UBXN8: variants seen among roughly 807,000 people sequenced by gnomAD.
The protein encoded by UBXN8 is UBX domain-containing protein 8.
UBXN8 carries 27 observed loss-of-function variants against 32.1 expected under a neutral mutation model. The ratio of observed to expected loss-of-function variants is 0.84; its 90% confidence interval spans 0.62 to 1.16. The LOEUF (loss-of-function observed/expected upper bound fraction) is 1.16. Among genes scored for constraint, UBXN8 ranks in the 50% most tolerant of loss-of-function variants. The probability of loss-of-function intolerance (pLI) is 0.00; values close to 1 mark genes in which losing one functional copy is unlikely to be tolerated. For synonymous variants in UBXN8, 109 were observed against 111.8 expected (o/e 0.98, Z 0.16); for missense variants, 306 against 311.4 (o/e 0.98, Z 0.13).
At chr8:30,750,588 T>C (rs1478611731) in intron 1 of UBXN8, among the ~76,000 whole-genome samples, 1 of 151,742 alleles carries the variant, frequency 6.6e-6, no homozygotes, top group Non-Finnish European at 1.5e-5. Context: ...CTGGCTAACA[T>C]GGTGAAACCC....
upstream of UBXN8, among the ~76,000 whole-genome samples, chr8:30,741,369 G>A (rs907700221): frequency 2.6e-5 from 4 of 151,886 alleles, no homozygotes; most frequent in Admixed American, 1.3e-4. Context: ...CTGTGTGACA[G>A]AGTGAGACCC....
At chr8:30,755,208 C>G (rs1023510660) in intron 4 of UBXN8, among the ~76,000 whole-genome samples, 5 of 151,996 alleles carry the variant, frequency 3.3e-5, no homozygotes, top group African/African-American at 1.2e-4. Flanking sequence ...GCCCGCCTCA[C>G]CCTCCCAAAG....
chr8:30,756,939 T>C (rs1319754090), intron 5 of UBXN8, 52 bp downstream of exon 5: 6 of 1,606,836 alleles, frequency 3.7e-6, no homozygotes, highest in African/African-American at 1.3e-5. Context: ...AGTAGGAGTA[T>C]TGAACTCTGG....
chr8:30,737,667 AAC>A (rs1196678295), intron 1 of UBXN8, among the ~76,000 whole-genome samples: 1 of 152,146 alleles, frequency 6.6e-6, no homozygotes, highest in African/African-American at 2.4e-5. Context: ...CAGCCTAAGC[AAC>A]AGAGCGAGAC....
At chr8:30,729,209 C>G (rs1020711039), upstream of UBXN8, among the ~76,000 whole-genome samples, 1 of 152,242 alleles carries the variant, frequency 6.6e-6, no homozygotes, top group Non-Finnish European at 1.5e-5. Context: ...GCGGATCCTG[C>G]GAGCGCTCCT....
upstream of UBXN8, among the ~76,000 whole-genome samples, chr8:30,740,408 G>A: frequency 9.5e-4 from 1 of 1,058 alleles, no homozygotes; most frequent in African/African-American, 4.9e-3. Context: ...AGGCAATTAA[G>A]GAGCAGAAAA....
At chr8:30,761,036 A>C (rs1805819091) in intron 6 of UBXN8, 107 bp downstream of exon 6, 4 of 739,072 alleles carry the variant, frequency 5.4e-6, no homozygotes, top group African/African-American at 1.8e-5. Context: ...AAGTGATAGC[A>C]TAAGTGTTCA....
chr8:30,737,116 G>A (rs934355545), intron 1 of UBXN8, among the ~76,000 whole-genome samples: 1 of 152,132 alleles, frequency 6.6e-6, no homozygotes, highest in Non-Finnish European at 1.5e-5. Context: ...CACCAGTCTA[G>A]CATAACCATT....
intron 1 of UBXN8, among the ~76,000 whole-genome samples, chr8:30,745,229 C>T (rs932440831): frequency 3.3e-5 from 5 of 152,022 alleles, no homozygotes; most frequent in Admixed American, 2.6e-4. Context: ...GGGATATTGA[C>T]GGAGTAGGAT....
chr8:30,765,419 A>G (rs1805972811), intron 7 of UBXN8, among the ~76,000 whole-genome samples: 4 of 151,998 alleles, frequency 2.6e-5, no homozygotes, highest in Middle Eastern at 3.4e-3. Context: ...GATTACAGGC[A>G]TGCACCACCA....
intron 5 of UBXN8, among the ~76,000 whole-genome samples, chr8:30,758,445 A>G (rs367703945): frequency 7.9e-5 from 12 of 152,172 alleles, no homozygotes; most frequent in Non-Finnish European, 1.3e-4. Flanking sequence ...TCAATCCTTA[A>G]CTAAGTTAAT....
intron 1 of UBXN8, among the ~76,000 whole-genome samples, chr8:30,750,028 C>T (rs1247826260): frequency 3.9e-5 from 6 of 152,050 alleles, no homozygotes; most frequent in African/African-American, 1.4e-4. Flanking sequence ...AACTGTATTC[C>T]CAAGATAGTG....
intron 4 of UBXN8, among the ~76,000 whole-genome samples, chr8:30,755,923 T>C (rs542764607): frequency 9.9e-5 from 15 of 152,066 alleles, no homozygotes; most frequent in African/African-American, 2.9e-4. Context: ...TTATTATATA[T>C]TATATATTCT....
intron 1 of UBXN8, among the ~76,000 whole-genome samples, chr8:30,735,940 G>A (rs746598259): frequency 1.3e-5 from 2 of 152,246 alleles, no homozygotes; most frequent in Non-Finnish European, 2.9e-5. Flanking sequence ...TCACCCGAAA[G>A]GTGGTGATGG....
Position 30,763,294 on chromosome 8 carries a change from T to C in UBXN8, c.592T>C (p.Cys198Arg), listed in dbSNP as rs1056206135. The change falls in exon 7 of 8, where the codon TGT (cysteine) becomes CGT (arginine). Residue 198 changes from cysteine to arginine, a missense_variant. Physicochemically the swap from Cys to Arg is radical, Grantham distance 180. Coordinates refer to ENST00000265616, the MANE Select transcript of UBXN8 (RefSeq NM_005671.4). The stretch of plus-strand genomic sequence containing the variant: ...TTAGGTAGTTACTGTTGCTCTCCGA[T>C]GTCCCAGTGGGAATGTCCTGAGGAG... ...AEEVVTVALR[C>R]PSGNVLRRRF... The C allele has an allele frequency of 6.2e-7, 1 of 1,613,888 alleles. No homozygotes were observed. Among genetic ancestry groups the C allele is most frequent in the South Asian group, 1.1e-5 (1 of 91,080 alleles).
intron 5 of UBXN8, among the ~76,000 whole-genome samples, chr8:30,760,074 T>TA (rs941668290): frequency 1.3e-5 from 2 of 149,198 alleles, no homozygotes; most frequent in Non-Finnish European, 3.0e-5. Flanking sequence ...CTTTTTTTTT[T>TA]TTTTTAAGAT....
At chr8:30,749,546 G>T (rs927283365) in intron 1 of UBXN8, among the ~76,000 whole-genome samples, 4 of 151,478 alleles carry the variant, frequency 2.6e-5, no homozygotes, top group African/African-American at 9.7e-5. Context: ...TGAGAAATAA[G>T]AATTTGGTGT....
intron 5 of UBXN8, among the ~76,000 whole-genome samples, chr8:30,758,998 A>G (rs1805753369): frequency 7.0e-6 from 1 of 143,756 alleles, no homozygotes; most frequent in South Asian, 2.2e-4. Context: ...GCTTCACGCC[A>G]TTCTCCTGCC....
chr8:30,762,399 TG>T (rs1805857215), intron 6 of UBXN8, among the ~76,000 whole-genome samples: 2 of 151,600 alleles, frequency 1.3e-5, no homozygotes, highest in Non-Finnish European at 2.9e-5. Flanking sequence ...TTTTTGTTTT[TG>T]TTTTTGTTTT....
Sources: allele counts gnomAD v4.1 joint callset (sites outside exome capture counted in the v4.1 genomes callset), GRCh38; gene constraint gnomAD v4.1.1; transcripts MANE v1.5; gene names NCBI Gene and HGNC (gene_info 2026-07-23, HGNC 2026-07-21).